HERC1: variants seen among roughly 807,000 people sequenced by gnomAD.
HERC1 encodes HECT and RLD domain containing E3 ubiquitin protein ligase family member 1.
Under a neutral mutation model 554.3 loss-of-function variants are expected in HERC1, and 160 were observed. The observed-to-expected ratio is 0.29, with a 90% CI of 0.25 to 0.33. The LOEUF is 0.33. HERC1 is among the 10% of genes least tolerant of loss of function. HERC1 has a pLI of 1.00. For synonymous variants in HERC1, 2,175 were observed against 2,131.7 expected (o/e 1.02, Z -0.56); for missense variants, 4,919 against 5,918.5 (o/e 0.83, Z 5.54).
At chr15:63,728,939 T>TAAAAA (rs375000040) in intron 16 of HERC1, among the ~76,000 whole-genome samples, 2 of 145,080 alleles carry the variant, frequency 1.4e-5, no homozygotes, top group East Asian at 4.1e-4. Context: ...GAGCAGGTTT[T>TAAAAA]AAAAAAAAAA....
intron 2 of HERC1, among the ~76,000 whole-genome samples, chr15:63,766,773 T>C (rs796835548): frequency 2.0e-5 from 3 of 150,624 alleles, no homozygotes; most frequent in African/African-American, 7.3e-5. Flanking sequence ...TACCTCCCAG[T>C]TTCAAGTAAT....
chr15:63,706,721 T>A, intron 25 of HERC1, 59 bp downstream of exon 25: 3 of 914,176 alleles, frequency 3.3e-6, no homozygotes, highest in South Asian at 2.1e-5. Context: ...TGCTCTTTTT[T>A]TTTTTTTGAG....
At chr15:63,772,462 C>T (rs2075982794) in intron 2 of HERC1, among the ~76,000 whole-genome samples, 1 of 151,214 alleles carries the variant, frequency 6.6e-6, no homozygotes, top group Non-Finnish European at 1.5e-5. Flanking sequence ...TGACTTCTTA[C>T]AGAAATATTA....
At chr15:63,791,881 T>C (rs1465737837) in intron 1 of HERC1, among the ~76,000 whole-genome samples, 1 of 152,204 alleles carries the variant, frequency 6.6e-6, no homozygotes, top group East Asian at 1.9e-4. Context: ...CTGTTGGCAG[T>C]AACATCTCCT....
rs2075515469 is a variant in HERC1 at position 63,758,849 on chromosome 15, T to C, written c.1027-480A>G. Among the ~76,000 whole-genome samples, 1 of 151,988 alleles carries C rather than the reference T, an allele frequency of 6.6e-6. No homozygotes were observed. The highest frequency in any genetic ancestry group is 2.4e-5 in the African/African-American group (1 of 41,380). On this transcript the variant is annotated intron_variant, in intron 3 of 77. Coordinates refer to ENST00000443617, the MANE Select transcript of HERC1 (RefSeq NM_003922.4). This position sits in a 1 kb window ranked among gnomAD's most constrained non-coding sequence, Gnocchi z 4.0. ...GTCTTCATGATTGAATAGATAATAT[T>C]CCATCTAGTAAAAAACATCACAATG...
chr15:63,768,672 C>G (rs2075857554), intron 2 of HERC1, among the ~76,000 whole-genome samples: 1 of 152,078 alleles, frequency 6.6e-6, no homozygotes, highest in African/African-American at 2.4e-5. Flanking sequence ...CATGATCCCT[C>G]TTTTATGCCT....
chr15:63,683,491 T>C (rs11635472), intron 34 of HERC1, among the ~76,000 whole-genome samples: 77,467 of 152,036 alleles, frequency 0.51, 20,701 homozygotes, highest in African/African-American at 0.57. Context: ...TATAAAATCA[T>C]ATGTCTAACA....
intron 1 of HERC1, among the ~76,000 whole-genome samples, chr15:63,819,067 C>T (rs1273187862): frequency 6.6e-6 from 1 of 152,168 alleles, no homozygotes; most frequent in Non-Finnish European, 1.5e-5. Flanking sequence ...ACTTCTGCTT[C>T]CAGATTAAGC....
At chr15:63,792,940 G>A (rs1040203385) in intron 1 of HERC1, among the ~76,000 whole-genome samples, 5 of 152,150 alleles carry the variant, frequency 3.3e-5, no homozygotes, top group African/African-American at 9.7e-5. Context: ...CGCACTCCTG[G>A]GGTTTGATTA....
At chr15:63,724,324 A>G (rs1244261234) in intron 18 of HERC1, among the ~76,000 whole-genome samples, 4 of 152,116 alleles carry the variant, frequency 2.6e-5, no homozygotes, top group Admixed American at 6.5e-5. Context: ...ACTTTCTTTA[A>G]CAAAATGTTT....
intron 1 of HERC1, among the ~76,000 whole-genome samples, chr15:63,805,741 G>A (rs1218035086): frequency 6.6e-6 from 1 of 152,150 alleles, no homozygotes; most frequent in Non-Finnish European, 1.5e-5. Flanking sequence ...GAGGTCAGCA[G>A]TTCAAGACCA....
chr15:63,647,867 AGT>A (rs1281442623), intron 55 of HERC1, among the ~76,000 whole-genome samples, 200 bp downstream of exon 55: 1 of 152,198 alleles, frequency 6.6e-6, no homozygotes, highest in African/African-American at 2.4e-5. Flanking sequence ...ACGGGCCTAG[AGT>A]GTGGAATGAT....
rs138855321 is a variant in HERC1, at chr15:63,665,880, A to G, written c.8555+39T>C. The G allele has an allele frequency of 9.8e-5, 145 of 1,480,108 alleles. No homozygotes were observed. The African/African-American group carries it at 1.6e-3, about 17-fold the overall frequency. 91.7% of individuals were successfully genotyped at this position (1,480,108 alleles called of 1,614,324 possible). A position where few individuals can be genotyped will look rare whatever the true frequency, so the allele number is the denominator to read the frequency against. ...TATAATAAATGGGGCTTTGAAATTTATAACACATGGAACAAAAGTACAGAA... is the reference window on the plus strand; with the variant it reads ...TATAATAAATGGGGCTTTGAAATTTGTAACACATGGAACAAAAGTACAGAA... On this transcript the variant is annotated intron_variant, in intron 42 of 77. Transcript: ENST00000443617.
chr15:63,808,933 C>A (rs769423139), intron 1 of HERC1, among the ~76,000 whole-genome samples: 3 of 152,132 alleles, frequency 2.0e-5, no homozygotes, highest in Non-Finnish European at 4.4e-5. Flanking sequence ...GTAAATTTAT[C>A]CTCACAGAAC....
chr15:63,829,499 T>TATATACACACAC (rs1336272062), intron 1 of HERC1, among the ~76,000 whole-genome samples: 1 of 53,370 alleles, frequency 1.9e-5, no homozygotes, highest in African/African-American at 5.8e-5. Context: ...TATATATATA[T>TATATACACACAC]ACACACACAC....
chr15:63,747,862 G>C lies in HERC1; in HGVS notation c.2220-4C>G, dbSNP rs749072913. 3 of 1,537,690 alleles carry C rather than the reference G, an allele frequency of 2.0e-6. No individual in the cohort carries two copies. Among genetic ancestry groups the C allele is most frequent in the African/African-American group, 2.8e-5 (2 of 72,328 alleles). ...TCGGTGCCATGCAACAACTTGTCTA[G>C]AAGGACACATAAGAAAATAATAAAA... On this transcript the variant is annotated splice_region_variant and splice_polypyrimidine_tract_variant and intron_variant, in intron 10 of 77. Coordinates refer to ENST00000443617, the MANE Select transcript of HERC1 (RefSeq NM_003922.4).
chr15:63,827,297 T>C (rs566083991), intron 1 of HERC1, among the ~76,000 whole-genome samples: 22 of 152,078 alleles, frequency 1.4e-4, no homozygotes, highest in African/African-American at 4.3e-4. Context: ...CGGTGCACAC[T>C]TGTAGTCCCA....
rs1020996845 is a variant in HERC1 at position 63,677,374 on chromosome 15, A to G, written c.7070+471T>C. On this transcript the variant is annotated intron_variant, in intron 37 of 77. Coordinates refer to ENST00000443617, the MANE Select transcript of HERC1 (RefSeq NM_003922.4). This position sits in a 1 kb window ranked among gnomAD's most constrained non-coding sequence, Gnocchi z 4.4. ...GGGATAGAAATATGTGGTTTTATAAAAAGGAAGAATACTTAAAATTACAGA... is the reference window on the plus strand; with the variant it reads ...GGGATAGAAATATGTGGTTTTATAAGAAGGAAGAATACTTAAAATTACAGA... Among the ~76,000 whole-genome samples, 1 of 152,262 alleles carries G rather than the reference A, an allele frequency of 6.6e-6. No individual in the cohort carries two copies. The highest frequency in any genetic ancestry group is 1.5e-5 in the Non-Finnish European group (1 of 68,054).
intron 24 of HERC1, among the ~76,000 whole-genome samples, chr15:63,707,951 A>AAAG (rs1306416075): frequency 6.7e-5 from 10 of 149,594 alleles, no homozygotes; most frequent in African/African-American, 2.3e-4. Flanking sequence ...AAAAAAAAAA[A>AAAG]AAGAAGAAGT....
Sources: gnomAD v4.1 joint callset for allele counts (sites outside exome capture counted in the v4.1 genomes callset) on GRCh38, gnomAD v4.1.1 for gene constraint, Gnocchi (gnomAD v3.1) non-coding constraint, MANE v1.5 for transcripts, NCBI Gene and HGNC (gene_info 2026-07-23, HGNC 2026-07-21) for gene names.